The following NLRP8 variants were observed in gnomAD, a reference collection of about 807,000 sequenced individuals.
The protein encoded by NLRP8 is NACHT, LRR and PYD domains-containing protein 8.
Under a neutral mutation model 88.7 loss-of-function variants are expected in NLRP8, and 86 were observed. The observed-to-expected ratio is 0.97, with a 90% CI of 0.81 to 1.16. The LOEUF is 1.16. Ranked by LOEUF, NLRP8 falls within the 50% of genes most tolerant of loss-of-function variation. The pLI is 0.00. For synonymous variants in NLRP8, 504 were observed against 494.6 expected, an observed-to-expected ratio of 1.02 and a Z score of -0.25; for missense variants, 1,342 against 1,286.5, an observed-to-expected ratio of 1.04 and a Z score of -0.66.
chr19:55,962,391 C>T (rs1028280090), intron 4 of NLRP8, among the ~76,000 whole-genome samples, 154 bp downstream of exon 4: 3 of 152,178 alleles, frequency 2.0e-5, no homozygotes, highest in Non-Finnish European at 2.9e-5. Context: ...TCATGGGGTG[C>T]GTGGTGAAGG....
intron 2 of NLRP8, 94 bp downstream of exon 2, chr19:55,952,706 A>G: frequency 2.2e-6 from 2 of 915,328 alleles, no homozygotes; most frequent in East Asian, 2.5e-5. Context: ...ATTTTAAGTT[A>G]CCATGTCCAG....
chr19:55,971,595 T>A (rs1980076374), intron 6 of NLRP8, among the ~76,000 whole-genome samples: 1 of 152,174 alleles, frequency 6.6e-6, no homozygotes. Flanking sequence ...AAGAATTTAG[T>A]TATTCATTCT....
At chr19:55,986,748 C>A (rs368419522) in intron 9 of NLRP8, among the ~76,000 whole-genome samples, 1 of 152,124 alleles carries the variant, frequency 6.6e-6, no homozygotes, top group Non-Finnish European at 1.5e-5. Context: ...TGGAGCTGGG[C>A]GTGGCCTTCT....
At chr19:55,985,406 A>G (rs1336238966) in intron 9 of NLRP8, among the ~76,000 whole-genome samples, 1 of 152,200 alleles carries the variant, frequency 6.6e-6, no homozygotes, top group Non-Finnish European at 1.5e-5. Flanking sequence ...GGAGAAATAT[A>G]CTAGGGAAAC....
chr19:55,957,660 G>GAAA lies in NLRP8; in HGVS notation c.2042+1564_2042+1566dup, dbSNP rs58020055. On this transcript the variant is annotated intron_variant, in intron 3 of 9. Transcript: ENST00000291971. ...GAGATCGCGCCACTATCTTAAAAAAGAAAAAATAATAATTATATATATATA... is the reference window on the plus strand; with the variant it reads ...GAGATCGCGCCACTATCTTAAAAAAGAAAAAAAAATAATAATTATATATATATA... Among the ~76,000 whole-genome samples, 321 of 93,426 alleles carry GAAA rather than the reference G, an allele frequency of 3.4e-3. 12 individuals carry two copies. The highest frequency in any genetic ancestry group is 0.019 in the African/African-American group (300 of 15,616). 61.3% of individuals were successfully genotyped at this position (93,426 alleles called of 152,430 possible).
chr19:55,957,675 ATATATAT>A (rs1979425823), intron 3 of NLRP8, among the ~76,000 whole-genome samples: 82 of 105,562 alleles, frequency 7.8e-4, no homozygotes, highest in African/African-American at 1.7e-3. Context: ...AATAATAATT[ATATATAT>A]ATATATATAT....
chr19:55,986,362 TCACA>T (rs777065004), intron 9 of NLRP8, among the ~76,000 whole-genome samples: 8 of 148,804 alleles, frequency 5.4e-5, no homozygotes, highest in African/African-American at 2.0e-4. Flanking sequence ...TCACACCCAC[TCACA>T]CAGTCTCACA....
chr19:55,983,718 G>A (rs1380142816), intron 9 of NLRP8, among the ~76,000 whole-genome samples: 1 of 149,742 alleles, frequency 6.7e-6, no homozygotes, highest in African/African-American at 2.5e-5. Flanking sequence ...TGGATGGAAC[G>A]TGCTGAGATA....
chr19:55,959,181 G>T (rs1418136362), intron 3 of NLRP8, among the ~76,000 whole-genome samples: 2 of 151,216 alleles, frequency 1.3e-5, no homozygotes, highest in African/African-American at 4.9e-5. Context: ...CCTAGCCAGG[G>T]TGTATTTTTT....
intron 7 of NLRP8, among the ~76,000 whole-genome samples, chr19:55,975,432 T>G (rs926911272): frequency 1.3e-5 from 2 of 152,000 alleles, no homozygotes; most frequent in Non-Finnish European, 2.9e-5. Flanking sequence ...AGTAGGTGTA[T>G]CCACAAAAGA....
chr19:55,960,837 C>T (rs562970787), intron 3 of NLRP8, among the ~76,000 whole-genome samples: 1 of 150,322 alleles, frequency 6.7e-6, no homozygotes, highest in Non-Finnish European at 1.5e-5. Context: ...AATAGGTGTG[C>T]TAGAGATGAT....
In NLRP8 at chr19:55,948,197, G is replaced by C; in HGVS notation, c.295G>C (p.Asp99His). Residue 99 changes from aspartate (D) to histidine (H), a missense_variant, in exon 1 of 10, where the codon GAT becomes CAT. Physicochemically the swap from Asp to His is moderately conservative, Grantham distance 81 (BLOSUM62 -1). Coordinates refer to ENST00000291971, the MANE Select transcript of NLRP8 (RefSeq NM_176811.2). ...GCGTTTCCCTGGACGACGCGCTTGG[G>C]ATGTGACTTCGAACATCTTTGCCAT... is the stretch of plus-strand genomic sequence containing the variant. 6.2e-7 allele frequency: 1 copy of C among 1,614,160 alleles called. No homozygotes were observed.
In NLRP8 at chr19:55,955,340, G is replaced by A. The variant is rs759351908; in HGVS notation, c.1282G>A (p.Val428Ile). ...ATGTCCAAATGCCACCTCTGTGTTC[G>A]TCCGGTATATTTCTAGCTTGTTTCC... Residue 428 changes from valine (V) to isoleucine (I), a missense_variant, in exon 3 of 10, where the codon GTC (valine) becomes ATC (isoleucine). Coordinates refer to ENST00000291971, the MANE Select transcript of NLRP8 (RefSeq NM_176811.2). 13 of 1,614,006 alleles carry A rather than the reference G, an allele frequency of 8.1e-6. No homozygotes were observed. The highest frequency in any genetic ancestry group is 3.3e-5 in the Admixed American group (2 of 59,996).
chr19:55,955,744 T>C lies in NLRP8; in HGVS notation c.1686T>C (p.Phe562=). 1.2e-6 allele frequency: 2 copies of C among 1,614,146 alleles called. No individual in the cohort carries two copies. The highest frequency in any genetic ancestry group is 1.7e-6 in the Non-Finnish European group (2 of 1,179,988). Residue 562 remains phenylalanine (F), a synonymous_variant, in exon 3 of 10, where the codon TTT becomes TTC. Transcript: ENST00000291971. ...ACATGGGACTTTTCTTATTCGGTTTTCTGAACGAGGCCTGCGCTTCGGCCG... is the reference window on the plus strand; with the variant it reads ...ACATGGGACTTTTCTTATTCGGTTTCCTGAACGAGGCCTGCGCTTCGGCCG...
Position 55,986,511 on chromosome 19 carries a change from A to AAT in NLRP8, c.3048-1302_3048-1301dup, listed in dbSNP as rs1568472105. 5.5e-3 allele frequency among the ~76,000 whole-genome samples: 504 copies of AAT among 90,912 alleles called. 3 individuals carry two copies. Among genetic ancestry groups the AAT allele is most frequent in the African/African-American group, 0.021 (480 of 22,768 alleles). 59.6% of individuals were successfully genotyped at this position (90,912 alleles called of 152,430 possible). A position where few individuals can be genotyped will look rare whatever the true frequency, so the allele number is the denominator to read the frequency against. On this transcript the variant is annotated intron_variant, in intron 9 of 9. Coordinates refer to ENST00000291971, the MANE Select transcript of NLRP8 (RefSeq NM_176811.2). ...ACACACACACACACACACACACACT[A>AAT]ATTGCTTCAGGACAGCCAGCTGAAG...
At chr19:55,986,676 G>A (rs1038090727) in intron 9 of NLRP8, among the ~76,000 whole-genome samples, 2 of 152,210 alleles carry the variant, frequency 1.3e-5, no homozygotes, top group Non-Finnish European at 2.9e-5. Context: ...GCCGGTTGCA[G>A]CCAATGAGCA....
At chr19:55,976,102 G>A (rs1425402768) in intron 7 of NLRP8, 31 bp from the exon 8 acceptor site, 1 of 1,540,588 alleles carries the variant, frequency 6.5e-7, no homozygotes, top group South Asian at 1.3e-5. Context: ...AGTTGTTGTT[G>A]TTGTTGTTTT....
chr19:55,965,496 AT>A (rs1448474612), intron 4 of NLRP8, among the ~76,000 whole-genome samples: 1 of 152,030 alleles, frequency 6.6e-6, no homozygotes, highest in Admixed American at 6.6e-5. Context: ...ATAAAGAAAT[AT>A]AAATAAAAAT....
chr19:55,952,052 T>C (rs1979118585), intron 1 of NLRP8, among the ~76,000 whole-genome samples: 1 of 152,024 alleles, frequency 6.6e-6, no homozygotes, highest in Non-Finnish European at 1.5e-5. Context: ...GTGCCCAGCC[T>C]CGTATTGGTT....
Sources: allele counts gnomAD v4.1 joint callset (sites outside exome capture counted in the v4.1 genomes callset), GRCh38; gene constraint gnomAD v4.1.1; transcripts MANE v1.5; gene names NCBI Gene and HGNC (gene_info 2026-07-23, HGNC 2026-07-21).